Variants in HIVEP2 observed in about 807,000 individuals in gnomAD.
HIVEP2 encodes transcription factor HIVEP2.
HIVEP2 carries 14 observed loss-of-function variants against 180.7 expected under a neutral mutation model. The observed-to-expected ratio is 0.08, with a 90% CI of 0.05 to 0.12. The LOEUF is 0.12. HIVEP2 is among the 10% of genes least tolerant of loss of function. HIVEP2 has a pLI of 1.00. For missense variants in HIVEP2, 2,579 were observed against 3,008.5 expected (o/e 0.86, Z 3.34); for synonymous variants, 1,184 against 1,136.4 (o/e 1.04, Z -0.84).
At chr6:142,757,522 G>A (rs197466) in intron 9 of HIVEP2, among the ~76,000 whole-genome samples, 37,701 of 151,950 alleles carry the variant, frequency 0.25, 5,046 homozygotes, top group East Asian at 0.48. Context: ...AGCTGGGTGT[G>A]GTGGCACGTG....
intron 2 of HIVEP2, among the ~76,000 whole-genome samples, chr6:142,820,515 A>G (rs1286763720): frequency 6.6e-6 from 1 of 152,200 alleles, no homozygotes; most frequent in Non-Finnish European, 1.5e-5. Flanking sequence ...CACGAAGGAA[A>G]AGGTTGCTTC....
intron 1 of HIVEP2, among the ~76,000 whole-genome samples, chr6:142,940,284 T>TA (rs1253136894): frequency 9.2e-5 from 14 of 152,170 alleles, no homozygotes; most frequent in Admixed American, 2.0e-4. Flanking sequence ...TATTTGTTAT[T>TA]AAAAAAATCT....
At chr6:142,919,823 TAGTA>T (rs1379472206) in intron 1 of HIVEP2, among the ~76,000 whole-genome samples, 4 of 152,236 alleles carry the variant, frequency 2.6e-5, no homozygotes, top group Non-Finnish European at 5.9e-5. Flanking sequence ...TGCTATTCTC[TAGTA>T]ATGTTAATAA....
chr6:142,862,541 T>C (rs544495255), intron 1 of HIVEP2, among the ~76,000 whole-genome samples: 1 of 145,580 alleles, frequency 6.9e-6, no homozygotes, highest in Non-Finnish European at 1.5e-5. Context: ...ATGTGTATCA[T>C]ATATTTTATA....
intron 2 of HIVEP2, among the ~76,000 whole-genome samples, chr6:142,812,365 T>C (rs1776721342): frequency 6.6e-6 from 1 of 152,164 alleles, no homozygotes; most frequent in African/African-American, 2.4e-5. Flanking sequence ...TTATGGGGCA[T>C]TGGTTAGAGT....
At chr6:142,781,720 C>T (rs1172686067) in intron 3 of HIVEP2, among the ~76,000 whole-genome samples, 1 of 152,138 alleles carries the variant, frequency 6.6e-6, no homozygotes, top group Non-Finnish European at 1.5e-5. Context: ...CTCCTTTGGC[C>T]ACTCTTCAGA....
rs188853248 is a variant in HIVEP2, at chr6:142,858,654, C to T, written c.-640-21607G>A. ...TTGCCCAGGCTGGAGTGCAATGACA[C>T]GATCTCGGCTCACTGCAACCTCTGC... is the stretch of plus-strand genomic sequence containing the variant. On this transcript the variant is annotated intron_variant, in intron 1 of 9. Coordinates refer to ENST00000367603, the MANE Select transcript of HIVEP2 (RefSeq NM_006734.4). Among the ~76,000 whole-genome samples the T allele has an allele frequency of 1.6e-4, 25 of 152,100 alleles. No homozygotes were observed. In the East Asian group the frequency reaches 3.9e-3, roughly 24 times the overall value.
chr6:142,870,522 A>G (rs1369853752), intron 1 of HIVEP2, among the ~76,000 whole-genome samples: 2 of 152,172 alleles, frequency 1.3e-5, no homozygotes, highest in African/African-American at 4.8e-5. Context: ...TACTCTCAAG[A>G]GACAGGTCAT....
intron 7 of HIVEP2, among the ~76,000 whole-genome samples, chr6:142,763,783 C>A (rs1443014336): frequency 1.3e-5 from 2 of 152,144 alleles, no homozygotes; most frequent in African/African-American, 2.4e-5. Context: ...TTTTGAGACA[C>A]AAATGAACAC....
rs766027883 is a variant in HIVEP2, at chr6:142,773,016, C to T, written c.1723G>A (p.Asp575Asn). ...CCCACGGTCCCTGGATAGAATACAT[C>T]GTCGGAACCAGTCATCCTTTCATCA... ...SFDERMTGSD[D>N]VFYPGTVGIP... Residue 575 changes from aspartate to asparagine, a missense_variant, in exon 5 of 10, where the codon GAT (aspartate) becomes AAT (asparagine). Coordinates refer to ENST00000367603, the MANE Select transcript of HIVEP2 (RefSeq NM_006734.4). The T allele has an allele frequency of 4.8e-5, 78 of 1,614,018 alleles. No homozygotes were observed. Among genetic ancestry groups the T allele is most frequent in the East Asian group, 1.1e-4 (5 of 44,902 alleles).
Position 142,901,231 on chromosome 6 carries a change from C to A in HIVEP2, c.-641+43868G>T, listed in dbSNP as rs80150762. Among the ~76,000 whole-genome samples, 1,509 of 152,254 alleles carry A rather than the reference C, an allele frequency of 9.9e-3. 10 individuals are homozygous for A. Among genetic ancestry groups the A allele is most frequent in the Non-Finnish European group, 0.015 (1,008 of 68,022 alleles). On this transcript the variant is annotated intron_variant, in intron 1 of 9. Transcript: ENST00000367603. ...ACAGAGAAAATTTGTGACCTTATCA[C>A]ATCTAGGGGAGTTTATGAGAAATGC...
intron 1 of HIVEP2, among the ~76,000 whole-genome samples, chr6:142,874,447 T>C (rs1776374891): frequency 1.3e-5 from 2 of 152,176 alleles, no homozygotes; most frequent in Non-Finnish European, 2.9e-5. Flanking sequence ...ATTATTGTTT[T>C]GAAATCAGTG....
intron 1 of HIVEP2, among the ~76,000 whole-genome samples, chr6:142,929,647 G>T (rs950748575): frequency 2.0e-5 from 3 of 152,118 alleles, no homozygotes; most frequent in African/African-American, 7.2e-5. Flanking sequence ...CATGAAGTGC[G>T]CAATTCCAAC....
chr6:142,926,464 C>T (rs1582971305), intron 1 of HIVEP2, among the ~76,000 whole-genome samples: 1 of 152,150 alleles, frequency 6.6e-6, no homozygotes, highest in African/African-American at 2.4e-5. Context: ...AAAAAGGTGG[C>T]AGTTAGAGGG....
intron 2 of HIVEP2, 51 bp downstream of exon 2, chr6:142,836,884 T>C (rs1775237787): frequency 6.6e-6 from 1 of 152,144 alleles, no homozygotes; most frequent in South Asian, 2.1e-4. Flanking sequence ...TGAGGAATCT[T>C]TCCAATAACT....
chr6:142,814,314 G>A (rs544505585), intron 2 of HIVEP2, among the ~76,000 whole-genome samples: 26 of 152,136 alleles, frequency 1.7e-4, no homozygotes, highest in Non-Finnish European at 3.2e-4. Context: ...AAAGCACTGG[G>A]AAGTCATCAA....
At chr6:142,879,049 C>T (rs1257076802) in intron 1 of HIVEP2, among the ~76,000 whole-genome samples, 3 of 152,104 alleles carry the variant, frequency 2.0e-5, no homozygotes, top group East Asian at 3.8e-4. Flanking sequence ...CACTATCATA[C>T]GGCTTTTGTA....
chr6:142,945,564 G>A (rs2128442928), upstream of HIVEP2, among the ~76,000 whole-genome samples: 1 of 152,270 alleles, frequency 6.6e-6, no homozygotes, highest in South Asian at 2.1e-4. This position sits in a 1 kb window ranked among gnomAD's most constrained non-coding sequence, Gnocchi z 5.5. Flanking sequence ...GCACCCCGAG[G>A]CTGCACCCAG....
chr6:142,803,598 A>ACACACACACACACACAC (rs1252252380), intron 2 of HIVEP2, among the ~76,000 whole-genome samples: 2 of 41,822 alleles, frequency 4.8e-5, no homozygotes, highest in East Asian at 1.5e-3. Flanking sequence ...CACACACACA[A>ACACACACACACACACAC]AACTCAGGAC....
Sources: allele counts gnomAD v4.1 joint callset (sites outside exome capture counted in the v4.1 genomes callset), GRCh38; gene constraint gnomAD v4.1.1; non-coding constraint Gnocchi (gnomAD v3.1); transcripts MANE v1.5; gene names NCBI Gene and HGNC (gene_info 2026-07-23, HGNC 2026-07-21).